Variants in TMEM158 observed in about 807,000 individuals in gnomAD.
The protein encoded by TMEM158 is transmembrane protein 158, also known as 40 kDa BINP-binding protein.
Under a neutral mutation model 12.0 loss-of-function variants are expected in TMEM158, and 7 were observed. That is an observed-to-expected ratio of 0.59 (90% CI 0.33 to 1.10). The LOEUF (loss-of-function observed/expected upper bound fraction) is 1.10. TMEM158 is among the 50% of genes least tolerant of loss of function. The pLI, the probability that TMEM158 is intolerant of heterozygous loss-of-function variation, is 0.03. For missense variants in TMEM158, 405 were observed against 454.7 expected (o/e 0.89, Z 0.99); for synonymous variants, 209 against 231.1 (o/e 0.90, Z 0.87).
At position 45,226,054 on chromosome 3, in the gene TMEM158, G is replaced by T. The variant is rs570629356; in HGVS notation, c.-27C>A. On this transcript the variant is annotated 5_prime_UTR_variant, in exon 1 of 1. The change creates a premature stop within an existing upstream ORF in the 5' untranslated region. Transcript: ENST00000503771. ...GCCTGCGGCGGGCGCCTACGCGCGCGAGGCCGGCGGCGGTTGCATGGCGAG... is the reference window on the plus strand; with the variant it reads ...GCCTGCGGCGGGCGCCTACGCGCGCTAGGCCGGCGGCGGTTGCATGGCGAG... 3.0e-4 allele frequency: 294 copies of T among 985,906 alleles called. 4 individuals carry two copies. In the East Asian group the frequency reaches 0.025, roughly 83 times the overall value. The allele number at this position is 985,906 out of a possible 1,614,324, so 61.1% of individuals were successfully genotyped here.
At position 45,226,222 on chromosome 3, in the gene TMEM158, A is replaced by T. The variant is rs1700158731; in HGVS notation, c.-195T>A. ...TGGCTCGGCGCGGGGATCCCTCCAGACCCGGTTGCGTTTGGGGTTCCCCGC... is the reference window on the plus strand; with the variant it reads ...TGGCTCGGCGCGGGGATCCCTCCAGTCCCGGTTGCGTTTGGGGTTCCCCGC... On this transcript the variant is annotated 5_prime_UTR_variant, in exon 1 of 1. Transcript: ENST00000503771. 1.5e-6 allele frequency: 1 copy of T among 680,990 alleles called. No individual in the cohort carries two copies. The highest frequency in any genetic ancestry group is 1.8e-6 in the Non-Finnish European group (1 of 553,578). The allele number at this position is 680,990 out of a possible 1,614,324, so 42.2% of individuals were successfully genotyped here.
chr3:45,225,170 A>AGCG lies in TMEM158; in HGVS notation c.855_857dup (p.Ala292dup), dbSNP rs898811347. 161 of 1,263,260 alleles carry AGCG rather than the reference A, an allele frequency of 1.3e-4. No homozygotes were observed. The highest frequency in any genetic ancestry group is 6.5e-4 in the South Asian group (17 of 26,058). The allele number at this position is 1,263,260 out of a possible 1,614,324, so 78.3% of individuals were successfully genotyped here. A position where few individuals can be genotyped will look rare whatever the true frequency, so the allele number is the denominator to read the frequency against. ...AAGTGACGGCCGCGGCGGCGGCGGC[A>AGCG]GCGGCGGCGGCGGCGGCGGCTGCGG... On this transcript the variant is annotated inframe_insertion, in exon 1 of 1. Transcript: ENST00000503771. The surrounding 1 kb of genome is among the most constrained non-coding windows in gnomAD (Gnocchi z 5.7).
Position 45,225,462 on chromosome 3 carries a change from C to T in TMEM158, c.566G>A (p.Trp189Ter). The T allele has an allele frequency of 7.5e-7, 1 of 1,337,650 alleles. No homozygotes were observed. The allele number at this position is 1,337,650 out of a possible 1,614,324, so 82.9% of individuals were successfully genotyped here. Residue 189 changes from tryptophan to a stop codon, truncating the protein, a stop_gained, in exon 1 of 1, where the codon TGG becomes TAG. Transcript: ENST00000503771. LOFTEE classifies it high-confidence loss of function. This position sits in a 1 kb window ranked among gnomAD's most constrained non-coding sequence, Gnocchi z 5.7. ...GAAATGCAGCGGCTCGCCCTGCAGC[C>T]ACAGCGGCCCGGGCGGCTCGGCCGC... ...YPAAEPPGPL[W>*]LQGEPLHFCC...
rs1700136684 is a variant in TMEM158, at chr3:45,224,810, A to T, written c.*315T>A. 2 of 276,738 alleles carry T rather than the reference A, an allele frequency of 7.2e-6. No homozygotes were observed. Among genetic ancestry groups the T allele is most frequent in the Non-Finnish European group, 6.6e-6 (1 of 151,040 alleles). The allele number at this position is 276,738 out of a possible 1,614,324, so 17.1% of individuals were successfully genotyped here. On this transcript the variant is annotated 3_prime_UTR_variant, in exon 1 of 1. Coordinates refer to ENST00000503771, the MANE Select transcript of TMEM158 (RefSeq NM_015444.3). ...ACACAGGATTTGGTCATTTTCTGCC[A>T]TGAATCTAGGGCACGTGGGTGCGGG...
Position 45,225,687 on chromosome 3 carries a change from G to A in TMEM158, c.341C>T (p.Ala114Val), listed in dbSNP as rs529835941. 6 of 1,460,298 alleles carry A rather than the reference G, an allele frequency of 4.1e-6. No homozygotes were observed. Among genetic ancestry groups the A allele is most frequent in the Middle Eastern group, 1.9e-4 (1 of 5,204 alleles). The allele number at this position is 1,460,298 out of a possible 1,614,324, so 90.5% of individuals were successfully genotyped here. A position where few individuals can be genotyped will look rare whatever the true frequency, so the allele number is the denominator to read the frequency against. Residue 114 changes from alanine to valine, a missense_variant, in exon 1 of 1, where the codon GCC becomes GTC. Physicochemically the swap from Ala to Val is moderately conservative, Grantham distance 64. Coordinates refer to ENST00000503771, the MANE Select transcript of TMEM158 (RefSeq NM_015444.3). This position sits in a 1 kb window ranked among gnomAD's most constrained non-coding sequence, Gnocchi z 5.7. ...CGGCCCGACGCGGTGGAAGGCGGCG[G>A]CGAAGAAAGCGCGGCCGTGCGCGTT... Reference protein sequence around the residue: ...STNAHGRAFFAAAFHRVGPPL... With the variant: ...STNAHGRAFFVAAFHRVGPPL...
chr3:45,225,933 G>A lies in TMEM158; in HGVS notation c.95C>T (p.Pro32Leu). 1.7e-6 allele frequency: 2 copies of A among 1,167,896 alleles called. No individual in the cohort carries two copies. The highest frequency in any genetic ancestry group is 2.1e-6 in the Non-Finnish European group (2 of 949,912). 72.3% of individuals were successfully genotyped at this position (1,167,896 alleles called of 1,614,324 possible). The part of the protein sequence containing the change: ...AADAPGLLGV[P>L]SNASVNASSA... ...GGACGCGTTGACTGAAGCATTGGAG[G>A]GCACCCCGAGGAGGCCGGGCGCGTC... The change falls in exon 1 of 1, where the codon CCC (proline) becomes CTC (leucine). Residue 32 changes from proline to leucine, a missense_variant. Physicochemically the swap from Pro to Leu is moderately conservative, Grantham distance 98 (BLOSUM62 -3). Coordinates refer to ENST00000503771, the MANE Select transcript of TMEM158 (RefSeq NM_015444.3). This position sits in a 1 kb window ranked among gnomAD's most constrained non-coding sequence, Gnocchi z 5.7.
Position 45,225,374 on chromosome 3 carries a change from C to CG in TMEM158, c.653_654insC (p.Lys218AsnfsTer4). Reference sequence around the variant, plus strand: ...AGGCCACCAGCGTGGACTCAATGGGCTTACGGTTCAGCCGCCAGCCCGGCT... The same window carrying CG: ...AGGCCACCAGCGTGGACTCAATGGGCGTTACGGTTCAGCCGCCAGCCCGGCT... On this transcript the variant is annotated frameshift_variant, in exon 1 of 1. Coordinates refer to ENST00000503771, the MANE Select transcript of TMEM158 (RefSeq NM_015444.3). LOFTEE classifies it high-confidence loss of function. The surrounding 1 kb of genome is among the most constrained non-coding windows in gnomAD (Gnocchi z 5.7). 6.6e-7 allele frequency: 1 copy of CG among 1,519,964 alleles called. No homozygotes were observed. Among genetic ancestry groups the CG allele is most frequent in the Non-Finnish European group, 8.8e-7 (1 of 1,130,704 alleles). 94.2% of individuals were successfully genotyped at this position (1,519,964 alleles called of 1,614,324 possible).
In TMEM158 at chr3:45,225,067, G is replaced by A; in HGVS notation, c.*58C>T. 8.2e-7 allele frequency: 1 copy of A among 1,226,624 alleles called. No homozygotes were observed. The highest frequency in any genetic ancestry group is 1.6e-5 in the African/African-American group (1 of 63,896). 76.0% of individuals were successfully genotyped at this position (1,226,624 alleles called of 1,614,324 possible). A position where few individuals can be genotyped will look rare whatever the true frequency, so the allele number is the denominator to read the frequency against. ...ACGAAGCACACCGGCCGAGTCTCCG[G>A]CGGGAAAGGCACCCGCGCGCGCGGA... On this transcript the variant is annotated 3_prime_UTR_variant, in exon 1 of 1. Transcript: ENST00000503771. This position sits in a 1 kb window ranked among gnomAD's most constrained non-coding sequence, Gnocchi z 5.7.
Position 45,225,539 on chromosome 3 carries a change from G to T in TMEM158, c.489C>A (p.Pro163=). The T allele has an allele frequency of 9.7e-7, 1 of 1,027,202 alleles. No homozygotes were observed. Among genetic ancestry groups the T allele is most frequent in the South Asian group, 4.5e-5 (1 of 22,302 alleles). 63.6% of individuals were successfully genotyped at this position (1,027,202 alleles called of 1,614,324 possible). Residue 163 remains proline (P), a synonymous_variant, in exon 1 of 1, where the codon CCC becomes CCA. Transcript: ENST00000503771. The surrounding 1 kb of genome is among the most constrained non-coding windows in gnomAD (Gnocchi z 5.7). ...CCCCGGCGGTGGCGGCGGCGGCGCT[G>T]GGGGCGGCGGCGGGCCGGAGGCGGC... The part of the protein sequence containing the change: ...RTGRLRPAAA[P]SAAAATAGAP...
At position 45,225,393 on chromosome 3, in the gene TMEM158, C is replaced by G; in HGVS notation, c.635G>C (p.Gly212Ala). Residue 212 changes from glycine (G) to alanine (A), a missense_variant, in exon 1 of 1, where the codon GGC becomes GCC. Transcript: ENST00000503771. This position sits in a 1 kb window ranked among gnomAD's most constrained non-coding sequence, Gnocchi z 5.7. ...AATGGGCTTACGGTTCAGCCGCCAG[C>G]CCGGCTCGCCCTGCAGCTCCTCCAG... ...FSLEELQGEP[G>A]WRLNRKPIES... 6.7e-7 allele frequency: 1 copy of G among 1,490,382 alleles called. No individual in the cohort carries two copies. The highest frequency in any genetic ancestry group is 9.0e-7 in the Non-Finnish European group (1 of 1,113,280). The allele number at this position is 1,490,382 out of a possible 1,614,324, so 92.3% of individuals were successfully genotyped here. A position where few individuals can be genotyped will look rare whatever the true frequency, so the allele number is the denominator to read the frequency against.
Position 45,225,511 on chromosome 3 carries a change from G to A in TMEM158, c.517C>T (p.Pro173Ser). The change falls in exon 1 of 1, where the codon CCC becomes TCC. Residue 173 changes from proline to serine, a missense_variant. Pro to Ser is a moderately conservative substitution (Grantham distance 74). Coordinates refer to ENST00000503771, the MANE Select transcript of TMEM158 (RefSeq NM_015444.3). This position sits in a 1 kb window ranked among gnomAD's most constrained non-coding sequence, Gnocchi z 5.7. Reference protein sequence around the residue: ...PSAAAATAGAPTALPAYPAAE... With the variant: ...PSAAAATAGASTALPAYPAAE... The stretch of plus-strand genomic sequence containing the variant: ...GCGGGGTAGGCTGGCAGCGCGGTGG[G>A]CGCCCCGGCGGTGGCGGCGGCGGCG... 8.7e-7 allele frequency: 1 copy of A among 1,151,178 alleles called. No homozygotes were observed. The highest frequency in any genetic ancestry group is 1.1e-6 in the Non-Finnish European group (1 of 931,482). The allele number at this position is 1,151,178 out of a possible 1,614,324, so 71.3% of individuals were successfully genotyped here.
rs1700144935 is a variant in TMEM158, at chr3:45,225,227, T to A, written c.801A>T (p.Ala267=). The change falls in exon 1 of 1, where the codon GCA becomes GCT. Residue 267 remains alanine (A), a synonymous_variant. Coordinates refer to ENST00000503771, the MANE Select transcript of TMEM158 (RefSeq NM_015444.3). The surrounding 1 kb of genome is among the most constrained non-coding windows in gnomAD (Gnocchi z 5.7). ...CTGCGGGCACTGCGGCGGGGGTGGC[T>A]GCGGTGGTGCTGGCGGTGGTCCGGC... ...EQRRTTASTT[A]ATPAAVPAGT... is the part of the protein sequence containing the mutation. 7.6e-7 allele frequency: 1 copy of A among 1,309,946 alleles called. No homozygotes were observed. Among genetic ancestry groups the A allele is most frequent in the South Asian group, 2.7e-5 (1 of 37,436 alleles). The allele number at this position is 1,309,946 out of a possible 1,614,324, so 81.1% of individuals were successfully genotyped here.
chr3:45,225,105 A>T lies in TMEM158; in HGVS notation c.*20T>A. 8.0e-7 allele frequency: 1 copy of T among 1,243,700 alleles called. No individual in the cohort carries two copies. The highest frequency in any genetic ancestry group is 1.0e-6 in the Non-Finnish European group (1 of 998,394). 77.0% of individuals were successfully genotyped at this position (1,243,700 alleles called of 1,614,324 possible). A position where few individuals can be genotyped will look rare whatever the true frequency, so the allele number is the denominator to read the frequency against. On this transcript the variant is annotated 3_prime_UTR_variant, in exon 1 of 1. Transcript: ENST00000503771. The surrounding 1 kb of genome is among the most constrained non-coding windows in gnomAD (Gnocchi z 5.7). ...CCGCGCGCGCGGACACAGGACGGAC[A>T]CAGGGAGGAGCGGAGCGGGTCACTT...
Position 45,225,170 on chromosome 3 carries a change from AGCG to A in TMEM158, c.855_857del (p.Ala292del), listed in dbSNP as rs898811347. The A allele has an allele frequency of 1.8e-4, 224 of 1,259,592 alleles. No homozygotes were observed. Among genetic ancestry groups the A allele is most frequent in the South Asian group, 6.5e-4 (17 of 25,988 alleles). 78.0% of individuals were successfully genotyped at this position (1,259,592 alleles called of 1,614,324 possible). A position where few individuals can be genotyped will look rare whatever the true frequency, so the allele number is the denominator to read the frequency against. ...AAGTGACGGCCGCGGCGGCGGCGGC[AGCG>A]GCGGCGGCGGCGGCGGCTGCGGTGG... On this transcript the variant is annotated inframe_deletion, in exon 1 of 1. Coordinates refer to ENST00000503771, the MANE Select transcript of TMEM158 (RefSeq NM_015444.3). The surrounding 1 kb of genome is among the most constrained non-coding windows in gnomAD (Gnocchi z 5.7).
rs1700157128 is a variant in TMEM158 at position 45,226,082 on chromosome 3, G to C, written c.-55C>G. On this transcript the variant is annotated 5_prime_UTR_variant, in exon 1 of 1. Coordinates refer to ENST00000503771, the MANE Select transcript of TMEM158 (RefSeq NM_015444.3). Reference sequence around the variant, plus strand: ...GCCGGCGGCGGTTGCATGGCGAGCGGGCGACGGGCCGGCGAGCTCACGGTG... The same window carrying C: ...GCCGGCGGCGGTTGCATGGCGAGCGCGCGACGGGCCGGCGAGCTCACGGTG... The C allele has an allele frequency of 1.0e-6, 1 of 982,278 alleles. No homozygotes were observed. Among genetic ancestry groups the C allele is most frequent in the Non-Finnish European group, 1.2e-6 (1 of 829,168 alleles). 60.8% of individuals were successfully genotyped at this position (982,278 alleles called of 1,614,324 possible).
Position 45,225,068 on chromosome 3 carries a change from C to A in TMEM158, c.*57G>T. 8.2e-7 allele frequency: 1 copy of A among 1,226,416 alleles called. No individual in the cohort carries two copies. Among genetic ancestry groups the A allele is most frequent in the Non-Finnish European group, 1.0e-6 (1 of 985,594 alleles). The allele number at this position is 1,226,416 out of a possible 1,614,324, so 76.0% of individuals were successfully genotyped here. A position where few individuals can be genotyped will look rare whatever the true frequency, so the allele number is the denominator to read the frequency against. On this transcript the variant is annotated 3_prime_UTR_variant, in exon 1 of 1. Transcript: ENST00000503771. The surrounding 1 kb of genome is among the most constrained non-coding windows in gnomAD (Gnocchi z 5.7). ...CGAAGCACACCGGCCGAGTCTCCGGCGGGAAAGGCACCCGCGCGCGCGGAC... is the reference window on the plus strand; with the variant it reads ...CGAAGCACACCGGCCGAGTCTCCGGAGGGAAAGGCACCCGCGCGCGCGGAC...
Position 45,225,069 on chromosome 3 carries a change from G to C in TMEM158, c.*56C>G, listed in dbSNP as rs902603766. ...GAAGCACACCGGCCGAGTCTCCGGC[G>C]GGAAAGGCACCCGCGCGCGCGGACA... On this transcript the variant is annotated 3_prime_UTR_variant, in exon 1 of 1. Transcript: ENST00000503771. This position sits in a 1 kb window ranked among gnomAD's most constrained non-coding sequence, Gnocchi z 5.7. 14 of 1,226,590 alleles carry C rather than the reference G, an allele frequency of 1.1e-5. 1 individual carries two copies. Among genetic ancestry groups the C allele is most frequent in the Middle Eastern group, 3.2e-4 (1 of 3,170 alleles). The allele number at this position is 1,226,590 out of a possible 1,614,324, so 76.0% of individuals were successfully genotyped here.
chr3:45,225,121 C>A lies in TMEM158; in HGVS notation c.*4G>T. On this transcript the variant is annotated 3_prime_UTR_variant, in exon 1 of 1. Coordinates refer to ENST00000503771, the MANE Select transcript of TMEM158 (RefSeq NM_015444.3). This position sits in a 1 kb window ranked among gnomAD's most constrained non-coding sequence, Gnocchi z 5.7. The stretch of plus-strand genomic sequence containing the variant: ...AGGACGGACACAGGGAGGAGCGGAG[C>A]GGGTCACTTGGTCGCCACCCCCGAA... 5 of 1,253,558 alleles carry A rather than the reference C, an allele frequency of 4.0e-6. No individual in the cohort carries two copies. Among genetic ancestry groups the A allele is most frequent in the South Asian group, 3.9e-5 (1 of 25,724 alleles). 77.7% of individuals were successfully genotyped at this position (1,253,558 alleles called of 1,614,324 possible).
In TMEM158 at chr3:45,224,844, CG is replaced by C. The variant is rs1700137143; in HGVS notation, c.*280del. The C allele has an allele frequency of 2.8e-6, 1 of 358,096 alleles. No individual in the cohort carries two copies. Among genetic ancestry groups the C allele is most frequent in the African/African-American group, 2.1e-5 (1 of 46,870 alleles). 22.2% of individuals were successfully genotyped at this position (358,096 alleles called of 1,614,324 possible). On this transcript the variant is annotated 3_prime_UTR_variant, in exon 1 of 1. Coordinates refer to ENST00000503771, the MANE Select transcript of TMEM158 (RefSeq NM_015444.3). ...GGGCACGTGGGTGCGGGGAAGGAGT[CG>C]GGCAGGGGGATGCAATAGAGGGGAA...
Sources: gnomAD v4.1 joint callset for allele counts on GRCh38, gnomAD v4.1.1 for gene constraint, Gnocchi (gnomAD v3.1) non-coding constraint, MANE v1.5 for transcripts, NCBI Gene and HGNC (gene_info 2026-07-23, HGNC 2026-07-21) for gene names.